PYGB: variants seen among roughly 807,000 people sequenced by gnomAD.
The protein encoded by PYGB is glycogen phosphorylase B, also known as glycogen phosphorylase, brain form.
A neutral mutation model predicts 94.3 loss-of-function variants in PYGB; 82 were observed. The observed-to-expected ratio is 0.87, with a 90% CI of 0.73 to 1.04. The LOEUF is 1.04. Ranked by LOEUF, PYGB falls within the 50% of genes least tolerant of loss-of-function variation. The probability of loss-of-function intolerance (pLI) is 0.00; values close to 1 mark genes in which losing one functional copy is unlikely to be tolerated. For synonymous variants in PYGB, 488 were observed against 479.1 expected (o/e 1.02, Z -0.24); for missense variants, 1,132 against 1,158.2 (o/e 0.98, Z 0.33).
intron 18 of PYGB, 67 bp from the exon 19 acceptor site, chr20:25,295,537 C>G: frequency 5.2e-6 from 8 of 1,528,058 alleles, no homozygotes; most frequent in South Asian, 1.1e-5. Flanking sequence ...CCCTGGGACT[C>G]TCCCCTCGGG....
At chr20:25,259,074 C>T (rs559879160) in intron 1 of PYGB, among the ~76,000 whole-genome samples, 163 bp from the exon 2 acceptor site, 7 of 152,168 alleles carry the variant, frequency 4.6e-5, no homozygotes, top group East Asian at 1.9e-4. Flanking sequence ...TTGGGGGCTG[C>T]GGTCAGCAGG....
Position 25,269,838 on chromosome 20 carries a change from C to T in PYGB, c.424+631C>T, listed in dbSNP as rs1017528911. On this transcript the variant is annotated intron_variant, in intron 3 of 19. Transcript: ENST00000216962. The stretch of plus-strand genomic sequence containing the variant: ...AGACTGTGGACTGCTCCCTCCCCGG[C>T]CCCGAGACCTGCTTCCTTTTGGGGT... Among the ~76,000 whole-genome samples, 3 of 152,232 alleles carry T rather than the reference C, an allele frequency of 2.0e-5. No homozygotes were observed. The South Asian group carries it at 6.2e-4, about 32-fold the overall frequency.
At chr20:25,286,679 C>T (rs971862757) in intron 14 of PYGB, among the ~76,000 whole-genome samples, 8 of 152,280 alleles carry the variant, frequency 5.3e-5, no homozygotes, top group African/African-American at 1.9e-4. Flanking sequence ...CTCACCTGGG[C>T]GGGAGGCTCC....
intron 1 of PYGB, among the ~76,000 whole-genome samples, chr20:25,258,479 A>C (rs1255869608): frequency 6.6e-6 from 1 of 152,262 alleles, no homozygotes; most frequent in Non-Finnish European, 1.5e-5. Context: ...GGCTGTGCAC[A>C]TATCCTGTTA....
rs200732252 is a variant in PYGB, at chr20:25,283,282, G to T, written c.1620+5G>T. 1.1e-4 allele frequency: 170 copies of T among 1,611,304 alleles called. 1 individual carries two copies. In the South Asian group the frequency reaches 1.8e-3, roughly 17 times the overall value. ...GACGTGGCCAAGGTCAAACAGGTAGGCATGGCCCTGGCCCCAGCCCCGACC... is the reference window on the plus strand; with the variant it reads ...GACGTGGCCAAGGTCAAACAGGTAGTCATGGCCCTGGCCCCAGCCCCGACC... On this transcript the variant is annotated splice_donor_5th_base_variant and intron_variant, in intron 13 of 19. Transcript: ENST00000216962.
At chr20:25,290,695 C>A in intron 16 of PYGB, 73 bp downstream of exon 16, 1 of 1,557,928 alleles carries the variant, frequency 6.4e-7, no homozygotes, top group Non-Finnish European at 8.8e-7. Context: ...GGCCCCGGGC[C>A]TTTCATCCTC....
chr20:25,284,025 A>C (rs896415718), intron 13 of PYGB, 79 bp from the exon 14 acceptor site: 65 of 1,544,970 alleles, frequency 4.2e-5, no homozygotes, highest in Non-Finnish European at 5.6e-5. Context: ...TTCACAGGGC[A>C]CTTGAAGCAG....
chr20:25,291,768 G>A (rs142308830), intron 16 of PYGB, among the ~76,000 whole-genome samples: 3 of 152,190 alleles, frequency 2.0e-5, no homozygotes, highest in East Asian at 3.9e-4. Flanking sequence ...CGGTGCTGGC[G>A]TCAGGGCCCC....
At chr20:25,253,251 A>G (rs1261508546) in intron 1 of PYGB, among the ~76,000 whole-genome samples, 1 of 152,200 alleles carries the variant, frequency 6.6e-6, no homozygotes, top group East Asian at 1.9e-4. Context: ...GTGGCCTTGC[A>G]CTTCAGAATC....
At chr20:25,285,374 C>T (rs1258013714) in intron 14 of PYGB, 1 of 152,166 alleles carries the variant, frequency 6.6e-6, no homozygotes, top group East Asian at 1.9e-4. Context: ...ACTCGCGGGT[C>T]ACCCCCTCCC....
At chr20:25,283,402 A>G (rs1043877658) in intron 13 of PYGB, 125 bp downstream of exon 13, 1 of 801,328 alleles carries the variant, frequency 1.2e-6, no homozygotes. Flanking sequence ...TTTAGTGGGG[A>G]CTCAGAACAG....
At chr20:25,263,755 C>G (rs2092918619) in intron 2 of PYGB, among the ~76,000 whole-genome samples, 1 of 152,158 alleles carries the variant, frequency 6.6e-6, no homozygotes, top group Admixed American at 6.5e-5. Flanking sequence ...CCTGAATAGA[C>G]CAATAACAGG....
intron 7 of PYGB, 118 bp from the exon 8 acceptor site, chr20:25,278,201 C>G: frequency 8.4e-7 from 1 of 1,187,580 alleles, no homozygotes; most frequent in Non-Finnish European, 1.1e-6. Context: ...TGTCAGGCAG[C>G]TGGGCTGGGC....
At chr20:25,294,333 AG>A in intron 18 of PYGB, 41 bp downstream of exon 18, 3 of 326,046 alleles carry the variant, frequency 9.2e-6, no homozygotes, top group Non-Finnish European at 1.8e-5. Context: ...GGAGGGAGGG[AG>A]GGAGGGAGGG....
At chr20:25,294,600 C>G (rs2258672) in intron 18 of PYGB, 6,459 of 541,118 alleles carry the variant, frequency 0.012, 221 homozygotes, top group African/African-American at 0.083. Flanking sequence ...CCAGGGGCAG[C>G]CGTGTCCCAG....
chr20:25,255,062 TC>T (rs370427852), intron 1 of PYGB, among the ~76,000 whole-genome samples: 1 of 152,344 alleles, frequency 6.6e-6, no homozygotes, highest in African/African-American at 2.4e-5. Context: ...AAGCCAAGTT[TC>T]CCTGGCAGTT....
chr20:25,283,123 C>T, intron 12 of PYGB, 53 bp from the exon 13 acceptor site: 1 of 1,479,988 alleles, frequency 6.8e-7, no homozygotes, highest in Admixed American at 1.7e-5. Context: ...GGCTAGGGGG[C>T]CCAGCCTCAG....
intron 2 of PYGB, among the ~76,000 whole-genome samples, chr20:25,268,155 G>GCCC (rs1287736524): frequency 8.0e-4 from 5 of 6,252 alleles, no homozygotes; most frequent in African/African-American, 3.7e-3. Context: ...GTAAATCCTA[G>GCCC]CACCCGCCCC....
intron 2 of PYGB, among the ~76,000 whole-genome samples, chr20:25,267,495 G>A (rs771806717): frequency 2.6e-5 from 4 of 151,936 alleles, no homozygotes; most frequent in Non-Finnish European, 5.9e-5. Context: ...GAAGCCCACT[G>A]CAGCAGAGTT....
Sources: gnomAD v4.1 joint callset for allele counts (sites outside exome capture counted in the v4.1 genomes callset) on GRCh38, gnomAD v4.1.1 for gene constraint, MANE v1.5 for transcripts, NCBI Gene and HGNC (gene_info 2026-07-23, HGNC 2026-07-21) for gene names.